SYNE2: variants seen among roughly 807,000 people sequenced by gnomAD.
The protein encoded by SYNE2 is spectrin repeat containing nuclear envelope protein 2, also known as nesprin-2.
In SYNE2, 431 loss-of-function variants were observed where a neutral mutation model predicts 856.3. The ratio of observed to expected loss-of-function variants is 0.50; its 90% CI spans 0.47 to 0.55. The LOEUF is 0.55. Ranked by LOEUF, SYNE2 falls within the 20% of genes least tolerant of loss-of-function variation. The pLI is 0.00. For synonymous variants in SYNE2, 2,923 were observed against 2,872.3 expected (o/e 1.02, Z -0.56); for missense variants, 8,129 against 8,023.2 (o/e 1.01, Z -0.50).
chr14:63,960,729 T>C, intron 8 of SYNE2: 1 of 763,572 alleles, frequency 1.3e-6, no homozygotes, highest in Non-Finnish European at 2.4e-6. Context: ...TCTCCTTCAC[T>C]TATTAGATGC....
At chr14:63,986,350 C>G in intron 18 of SYNE2, 106 bp from the exon 19 acceptor site, 5 of 1,193,988 alleles carry the variant, frequency 4.2e-6, no homozygotes, top group Non-Finnish European at 6.0e-6. Context: ...TCCTCCTGCC[C>G]TGGCCTCCTA....
intron 74 of SYNE2, among the ~76,000 whole-genome samples, chr14:64,129,460 C>T (rs1010634757): frequency 1.3e-5 from 2 of 152,226 alleles, no homozygotes; most frequent in South Asian, 2.1e-4. Context: ...GTGTCTGTTT[C>T]GAAGGAGCTA....
intron 1 of SYNE2, among the ~76,000 whole-genome samples, chr14:63,825,275 A>G (rs945598530): frequency 9.2e-5 from 14 of 152,180 alleles, no homozygotes; most frequent in Admixed American, 5.2e-4. Context: ...AGTGAGATCA[A>G]AAAAATTACC....
rs532009579 is a variant in SYNE2, at chr14:63,854,517, C to G, written c.-52+1374C>G. Among the ~76,000 whole-genome samples the G allele has an allele frequency of 3.9e-5, 6 of 152,200 alleles. No individual in the cohort carries two copies. The East Asian group carries it at 9.6e-4, about 24-fold the overall frequency. On this transcript the variant is annotated intron_variant, in intron 1 of 115. Coordinates refer to ENST00000555002, the MANE Select transcript of SYNE2 (RefSeq NM_182914.3). ...AGATAATTACTGAACGGCTTTAGCC[C>G]GGCCAGCCCCCTGGGGCGGTGGGAA...
chr14:63,931,663 A>C (rs780529352), intron 2 of SYNE2, among the ~76,000 whole-genome samples: 4 of 152,200 alleles, frequency 2.6e-5, no homozygotes, highest in Non-Finnish European at 5.9e-5. Flanking sequence ...TATCCTTAAT[A>C]CCTTTAGTAT....
intron 49 of SYNE2, among the ~76,000 whole-genome samples, chr14:64,057,500 A>C (rs1166325806): frequency 6.6e-6 from 1 of 152,052 alleles, no homozygotes; most frequent in Non-Finnish European, 1.5e-5. Flanking sequence ...TGTATATACC[A>C]CATTTTCTTC....
chr14:63,853,463 C>T (rs1050777791), intron 1 of SYNE2, among the ~76,000 whole-genome samples: 2 of 151,674 alleles, frequency 1.3e-5, no homozygotes, highest in South Asian at 2.1e-4. Flanking sequence ...CCGGTCCGCC[C>T]GGCTCGGGCA....
chr14:63,941,843 AT>A (rs756506442), intron 4 of SYNE2, 41 bp from the exon 5 acceptor site: 3 of 1,609,748 alleles, frequency 1.9e-6, no homozygotes, highest in Middle Eastern at 1.7e-4. Context: ...AAAAATATGT[AT>A]TTCATTTTTT....
At chr14:64,221,092 T>G (rs1301058422) in intron 111 of SYNE2, among the ~76,000 whole-genome samples, 1 of 152,078 alleles carries the variant, frequency 6.6e-6, no homozygotes, top group East Asian at 1.9e-4. Flanking sequence ...TTAAAAAGGT[T>G]CTTTTTAGGA....
At position 64,215,274 on chromosome 14, in the gene SYNE2, G is replaced by C; in HGVS notation, c.19334-12G>C. On this transcript the variant is annotated splice_polypyrimidine_tract_variant and intron_variant, in intron 106 of 115. Transcript: ENST00000555002. Reference sequence around the variant, plus strand: ...CACCTCCAGTGAGGCAAATGACATTGTTCTTTTTCAGATGTAGAAATCCCT... The same window carrying C: ...CACCTCCAGTGAGGCAAATGACATTCTTCTTTTTCAGATGTAGAAATCCCT... 6.2e-7 allele frequency: 1 copy of C among 1,614,018 alleles called. No individual in the cohort carries two copies. The highest frequency in any genetic ancestry group is 8.5e-7 in the Non-Finnish European group (1 of 1,179,890).
intron 1 of SYNE2, among the ~76,000 whole-genome samples, chr14:63,799,040 G>T (rs1888031724): frequency 6.6e-6 from 1 of 152,186 alleles, no homozygotes; most frequent in Non-Finnish European, 1.5e-5. Context: ...GCACTGACCT[G>T]TATTTAGGAA....
At chr14:63,966,752 G>A (rs1204098363) in intron 10 of SYNE2, among the ~76,000 whole-genome samples, 1 of 151,964 alleles carries the variant, frequency 6.6e-6, no homozygotes, top group African/African-American at 2.4e-5. Flanking sequence ...TCGATATGGG[G>A]TTTTGCCATG....
chr14:63,787,250 G>C (rs149158915), intron 1 of SYNE2, among the ~76,000 whole-genome samples: 135 of 152,150 alleles, frequency 8.9e-4, no homozygotes, highest in Non-Finnish European at 1.3e-3. Flanking sequence ...GTTAACTATA[G>C]TCACCTCATT....
chr14:63,904,332 A>G (rs1359450752), intron 1 of SYNE2, among the ~76,000 whole-genome samples: 1 of 152,172 alleles, frequency 6.6e-6, no homozygotes, highest in Non-Finnish European at 1.5e-5. Flanking sequence ...CTTTGGGTAT[A>G]TATGCAGTAA....
At chr14:63,797,778 T>A (rs1343455963) in intron 1 of SYNE2, among the ~76,000 whole-genome samples, 1 of 152,202 alleles carries the variant, frequency 6.6e-6, no homozygotes. Flanking sequence ...ATTGTATGTG[T>A]GAAACACAGT....
intron 107 of SYNE2, 133 bp from the exon 108 acceptor site, chr14:64,216,115 T>G (rs2098665180): frequency 6.4e-7 from 1 of 1,554,420 alleles, no homozygotes; most frequent in East Asian, 2.4e-5. Context: ...TGGGACATAC[T>G]GACATTTTGC....
At chr14:64,076,769 C>A in intron 54 of SYNE2, among the ~76,000 whole-genome samples, 1 of 133,034 alleles carries the variant, frequency 7.5e-6, no homozygotes. Flanking sequence ...GTCTAGAATA[C>A]TTACAACTTG....
At chr14:63,783,534 C>CG (rs1371973335) in intron 1 of SYNE2, among the ~76,000 whole-genome samples, 1 of 152,152 alleles carries the variant, frequency 6.6e-6, no homozygotes, top group African/African-American at 2.4e-5. Flanking sequence ...CACGCCACGA[C>CG]GGTCTCGGAG....
chr14:64,150,133 G>A (rs1237232287), intron 84 of SYNE2, among the ~76,000 whole-genome samples: 9 of 148,000 alleles, frequency 6.1e-5, no homozygotes, highest in African/African-American at 1.5e-4. Flanking sequence ...CACTCTGGGC[G>A]CGGTGGCTCA....
Sources: gnomAD v4.1 joint callset for allele counts (sites outside exome capture counted in the v4.1 genomes callset) on GRCh38, gnomAD v4.1.1 for gene constraint, MANE v1.5 for transcripts, NCBI Gene and HGNC (gene_info 2026-07-23, HGNC 2026-07-21) for gene names.